The following BORCS5 variants were observed in gnomAD, a reference collection of about 807,000 sequenced individuals.
BORCS5 encodes the protein BLOC-1-related complex subunit 5.
BORCS5 carries 17 observed loss-of-function variants against 22.1 expected under a neutral mutation model. The observed-to-expected ratio is 0.77, with a 90% CI of 0.53 to 1.15. BORCS5 has a LOEUF of 1.15. BORCS5 is among the 50% of genes most tolerant of loss of function. The probability of loss-of-function intolerance (pLI) is 0.00; values close to 1 mark genes in which losing one functional copy is unlikely to be tolerated. For missense variants in BORCS5, 247 were observed against 253.2 expected (o/e 0.98, Z 0.17); for synonymous variants, 117 against 99.8 (o/e 1.17, Z -1.03).
At chr12:12,375,217 T>A (rs879894361) in intron 2 of BORCS5, among the ~76,000 whole-genome samples, 1 of 152,112 alleles carries the variant, frequency 6.6e-6, no homozygotes, top group Non-Finnish European at 1.5e-5. Flanking sequence ...TTTACCATGT[T>A]GGCCAAGCTG....
chr12:12,397,133 T>C (rs1269791473), intron 2 of BORCS5, among the ~76,000 whole-genome samples: 2 of 152,198 alleles, frequency 1.3e-5, no homozygotes, highest in Non-Finnish European at 2.9e-5. Context: ...GTCTTGTTCC[T>C]TCTCTAGTTT....
intron 2 of BORCS5, among the ~76,000 whole-genome samples, chr12:12,433,116 C>T (rs1445480967): frequency 2.0e-5 from 3 of 152,000 alleles, no homozygotes; most frequent in African/African-American, 2.4e-5. Context: ...GCTGGATCAC[C>T]TTAGGTCAAG....
At chr12:12,400,820 C>T (rs1357162489) in intron 2 of BORCS5, among the ~76,000 whole-genome samples, 1 of 152,136 alleles carries the variant, frequency 6.6e-6, no homozygotes, top group Non-Finnish European at 1.5e-5. Flanking sequence ...GTGTTTTCTT[C>T]GTGGCTTGTC....
At chr12:12,447,952 T>A (rs560638135) in intron 3 of BORCS5, among the ~76,000 whole-genome samples, 3 of 152,340 alleles carry the variant, frequency 2.0e-5, no homozygotes, top group African/African-American at 7.2e-5. Flanking sequence ...GCCCCTCACC[T>A]GATGTGGTAG....
chr12:12,426,735 A>G (rs1592117249), intron 2 of BORCS5, among the ~76,000 whole-genome samples: 1 of 152,266 alleles, frequency 6.6e-6, no homozygotes, highest in Non-Finnish European at 1.5e-5. Context: ...TTGCTTTTAC[A>G]TATGAGAAAA....
intron 3 of BORCS5, among the ~76,000 whole-genome samples, chr12:12,462,900 G>A (rs1477986232): frequency 4.4e-5 from 5 of 113,944 alleles, no homozygotes; most frequent in African/African-American, 1.7e-4. Context: ...CAGGCAATCC[G>A]CCCTCCTCAG....
chr12:12,427,517 T>C (rs1293076082), intron 2 of BORCS5, among the ~76,000 whole-genome samples: 29 of 152,164 alleles, frequency 1.9e-4, no homozygotes, highest in Admixed American at 1.8e-3. Flanking sequence ...GGGAGTGCCT[T>C]TGAGAACTAG....
At chr12:12,414,090 C>T (rs1264803497) in intron 2 of BORCS5, among the ~76,000 whole-genome samples, 11 of 82,198 alleles carry the variant, frequency 1.3e-4, no homozygotes, top group Middle Eastern at 8.8e-3. Flanking sequence ...CCGGACGGGG[C>T]GGCTGGCCGG....
chr12:12,410,410 G>T (rs1381913853), intron 2 of BORCS5, among the ~76,000 whole-genome samples: 3 of 152,198 alleles, frequency 2.0e-5, no homozygotes, highest in African/African-American at 7.2e-5. Context: ...TGTATAAGGT[G>T]TAAGGAAGGG....
At chr12:12,445,851 C>G (rs1283087400) in intron 3 of BORCS5, among the ~76,000 whole-genome samples, 1 of 150,390 alleles carries the variant, frequency 6.6e-6, no homozygotes, top group Admixed American at 6.6e-5. Context: ...GCTAGGTTTC[C>G]CAGACTGACC....
At chr12:12,426,514 C>T (rs1454563911) in intron 2 of BORCS5, among the ~76,000 whole-genome samples, 1 of 152,168 alleles carries the variant, frequency 6.6e-6, no homozygotes, top group Non-Finnish European at 1.5e-5. Context: ...ATCCTCTGTT[C>T]TTGTTTCTTT....
At chr12:12,383,943 T>C (rs1220327138) in intron 2 of BORCS5, among the ~76,000 whole-genome samples, 2 of 151,288 alleles carry the variant, frequency 1.3e-5, no homozygotes, top group African/African-American at 2.4e-5. Context: ...GTTGCACAGA[T>C]CTCTAAGGCA....
chr12:12,465,522 TG>T, intron 3 of BORCS5, 23 bp from the exon 4 acceptor site: 1 of 1,605,702 alleles, frequency 6.2e-7, no homozygotes, highest in Admixed American at 1.7e-5. Flanking sequence ...CAAGGTATAA[TG>T]TACTTCTCTT....
At chr12:12,429,695 C>T (rs1041501388) in intron 2 of BORCS5, among the ~76,000 whole-genome samples, 1 of 152,202 alleles carries the variant, frequency 6.6e-6, no homozygotes, top group Non-Finnish European at 1.5e-5. Context: ...TCGTTTCCCT[C>T]ACCCTCCACC....
chr12:12,398,110 C>T (rs1160964034), intron 2 of BORCS5, among the ~76,000 whole-genome samples: 1 of 152,162 alleles, frequency 6.6e-6, no homozygotes, highest in Non-Finnish European at 1.5e-5. Flanking sequence ...GGTGTTATGT[C>T]ATCTGTTTCA....
chr12:12,459,249 CA>C (rs1234310944), intron 3 of BORCS5, among the ~76,000 whole-genome samples: 1 of 151,890 alleles, frequency 6.6e-6, no homozygotes, highest in Non-Finnish European at 1.5e-5. Flanking sequence ...TCAATTTAAC[CA>C]TTTTTATTTT....
chr12:12,400,850 T>C (rs752320128), intron 2 of BORCS5, among the ~76,000 whole-genome samples: 1 of 152,252 alleles, frequency 6.6e-6, no homozygotes, highest in Non-Finnish European at 1.5e-5. Context: ...CATGTTTTTG[T>C]ATATCTAAGC....
At chr12:12,423,835 T>A (rs1272733014) in intron 2 of BORCS5, among the ~76,000 whole-genome samples, 2 of 151,998 alleles carry the variant, frequency 1.3e-5, no homozygotes, top group African/African-American at 4.8e-5. Context: ...ACTACAGGCA[T>A]CTGCCACCAC....
intron 2 of BORCS5, among the ~76,000 whole-genome samples, chr12:12,392,066 A>G (rs1267890137): frequency 6.8e-6 from 1 of 148,146 alleles, no homozygotes; most frequent in Non-Finnish European, 1.5e-5. Context: ...AAAAAAAAAA[A>G]TAGAGACAAA....
Sources: gnomAD v4.1 joint callset for allele counts (sites outside exome capture counted in the v4.1 genomes callset) on GRCh38, gnomAD v4.1.1 for gene constraint, MANE v1.5 for transcripts, NCBI Gene and HGNC (gene_info 2026-07-23, HGNC 2026-07-21) for gene names.